The following PALM2AKAP2 variants were observed in gnomAD, a reference collection of about 807,000 sequenced individuals.
PALM2AKAP2 encodes the protein PALM2 and AKAP2 fusion, also known as PALM2-AKAP2 fusion protein.
Under a neutral mutation model 71.5 loss-of-function variants are expected in PALM2AKAP2, and 37 were observed. The ratio of observed to expected loss-of-function variants is 0.52; its 90% CI spans 0.40 to 0.68. The LOEUF is 0.68. PALM2AKAP2 is among the 30% of genes least tolerant of loss of function. The pLI is 0.00. For missense variants in PALM2AKAP2, 1,224 were observed against 1,191.8 expected, an observed-to-expected ratio of 1.03 and a Z score of -0.40; for synonymous variants, 468 against 478.8, an observed-to-expected ratio of 0.98 and a Z score of 0.29.
At chr9:110,081,372 T>C (rs1834445145) in intron 1 of PALM2AKAP2, among the ~76,000 whole-genome samples, 1 of 152,246 alleles carries the variant, frequency 6.6e-6, no homozygotes, top group Admixed American at 6.5e-5. Flanking sequence ...ATTTACATTG[T>C]TAAAAAGAGA....
At chr9:110,004,342 A>G (rs1445565683) in intron 6 of PALM2AKAP2, among the ~76,000 whole-genome samples, 1 of 152,200 alleles carries the variant, frequency 6.6e-6, no homozygotes, top group Non-Finnish European at 1.5e-5. Context: ...TCCTTTAAGA[A>G]TGTTGAATAT....
chr9:110,082,563 G>A (rs1834473936), intron 1 of PALM2AKAP2, among the ~76,000 whole-genome samples: 1 of 152,070 alleles, frequency 6.6e-6, no homozygotes, highest in Non-Finnish European at 1.5e-5. Flanking sequence ...TAGAAATAAG[G>A]GGAAAAATCT....
At chr9:109,702,605 AG>A (rs1302877244) in intron 1 of PALM2AKAP2, among the ~76,000 whole-genome samples, 2 of 116,636 alleles carry the variant, frequency 1.7e-5, no homozygotes, top group African/African-American at 3.2e-5. Context: ...GGGTGGGGGT[AG>A]GGGGGAGGGA....
At chr9:109,969,181 C>T (rs1369371433) in intron 6 of PALM2AKAP2, among the ~76,000 whole-genome samples, 1 of 152,076 alleles carries the variant, frequency 6.6e-6, no homozygotes, top group Non-Finnish European at 1.5e-5. Flanking sequence ...GGAAGGCAGC[C>T]ATGCCAAGAG....
At chr9:109,832,988 C>T (rs952470556) in intron 1 of PALM2AKAP2, among the ~76,000 whole-genome samples, 1 of 152,192 alleles carries the variant, frequency 6.6e-6, no homozygotes, top group Non-Finnish European at 1.5e-5. Flanking sequence ...CAGGGGCTCT[C>T]TTGTTTTCCT....
chr9:110,078,782 C>A lies in PALM2AKAP2; in HGVS notation c.156+29927C>A, dbSNP rs114039748. Reference sequence around the variant, plus strand: ...TTTGTTCTTTAAAAGTAAACAACCTCCCTTTGTAATCTAGAAAAGAATCAG... The same window carrying A: ...TTTGTTCTTTAAAAGTAAACAACCTACCTTTGTAATCTAGAAAAGAATCAG... On this transcript the variant is annotated intron_variant, in intron 1 of 3. Transcript: ENST00000374525. 3.3e-3 allele frequency among the ~76,000 whole-genome samples: 499 copies of A among 152,348 alleles called. 3 individuals are homozygous for A. Among genetic ancestry groups the A allele is most frequent in the African/African-American group, 0.012 (481 of 41,582 alleles).
At chr9:110,004,318 G>C (rs975463763) in intron 6 of PALM2AKAP2, among the ~76,000 whole-genome samples, 11 of 152,068 alleles carry the variant, frequency 7.2e-5, no homozygotes. Flanking sequence ...TGAAATTCTG[G>C]GTTGAAAATT....
At chr9:109,755,464 C>T (rs745611222) in intron 1 of PALM2AKAP2, among the ~76,000 whole-genome samples, 8 of 152,074 alleles carry the variant, frequency 5.3e-5, no homozygotes, top group Non-Finnish European at 8.8e-5. Flanking sequence ...TTGCATGGCG[C>T]ACACCTTGTC....
chr9:110,135,162 A>ATATATATATATATATATATATATATAT (rs1374083351), intron 1 of PALM2AKAP2, among the ~76,000 whole-genome samples: 1 of 48,488 alleles, frequency 2.1e-5, no homozygotes, highest in Admixed American at 2.1e-4. Flanking sequence ...CAAAAAAAAA[A>ATATATATATATATATATATATATATAT]AAATATATAA....
chr9:110,077,975 C>G lies in PALM2AKAP2; in HGVS notation c.156+29120C>G, dbSNP rs1383544501. ...GTTTCAGTGAGCCGAGATCGCGCTA[C>G]TGCACTCCAGCCTGGGTGACAGAGT... On this transcript the variant is annotated intron_variant, in intron 1 of 3. Transcript: ENST00000374525. Among the ~76,000 whole-genome samples the G allele has an allele frequency of 9.6e-4, 144 of 150,586 alleles. 1 individual carries two copies. The South Asian group carries it at 0.013, about 13-fold the overall frequency.
Position 110,172,210 on chromosome 9 carries a change from T to C in PALM2AKAP2, c.*3713T>C, listed in dbSNP as rs41278417. 4.9e-3 allele frequency: 751 copies of C among 152,778 alleles called. 3 individuals are homozygous for C. The highest frequency in any genetic ancestry group is 8.0e-3 in the Non-Finnish European group (541 of 68,038). The allele number at this position is 152,778 out of a possible 1,614,324, so 9.5% of individuals were successfully genotyped here. ...TAGCCTAAGTGTTAGAGATGGTGAATATATTCCATTTTAGTTAAAGAACAA... is the reference window on the plus strand; with the variant it reads ...TAGCCTAAGTGTTAGAGATGGTGAACATATTCCATTTTAGTTAAAGAACAA... On this transcript the variant is annotated 3_prime_UTR_variant, in exon 4 of 4. Transcript: ENST00000374525.
At chr9:109,972,459 A>G (rs1026825078) in intron 6 of PALM2AKAP2, among the ~76,000 whole-genome samples, 2 of 152,212 alleles carry the variant, frequency 1.3e-5, no homozygotes, top group African/African-American at 4.8e-5. Context: ...GGTTTTGTGG[A>G]TGAACGTGGG....
At chr9:110,041,309 T>A (rs879297589) in intron 7 of PALM2AKAP2, among the ~76,000 whole-genome samples, 1 of 146,880 alleles carries the variant, frequency 6.8e-6, no homozygotes, top group African/African-American at 2.5e-5. Context: ...TTTTTTTTTT[T>A]ATTAGTATAC....
At chr9:109,825,771 G>A (rs1828132901) in intron 1 of PALM2AKAP2, among the ~76,000 whole-genome samples, 1 of 152,198 alleles carries the variant, frequency 6.6e-6, no homozygotes, top group African/African-American at 2.4e-5. Flanking sequence ...TGGTGGGACT[G>A]TAAATTAGTT....
At chr9:109,985,644 TTTTC>T (rs1230983272) in intron 6 of PALM2AKAP2, among the ~76,000 whole-genome samples, 18 of 145,528 alleles carry the variant, frequency 1.2e-4, no homozygotes, top group African/African-American at 3.3e-4. Context: ...CTGTCTTGAG[TTTTC>T]TTTCTTTCTT....
chr9:109,752,288 C>T (rs920944523), intron 1 of PALM2AKAP2, among the ~76,000 whole-genome samples: 8 of 152,070 alleles, frequency 5.3e-5, no homozygotes, highest in Non-Finnish European at 8.8e-5. Flanking sequence ...CTGAAGTGAC[C>T]ATGAGTAGGA....
chr9:109,731,605 G>C (rs774367695), intron 1 of PALM2AKAP2, among the ~76,000 whole-genome samples: 10 of 152,044 alleles, frequency 6.6e-5, no homozygotes, highest in Non-Finnish European at 1.3e-4. Context: ...GGTGAGTTAT[G>C]TTACATCTAA....
intron 6 of PALM2AKAP2, among the ~76,000 whole-genome samples, chr9:110,006,681 C>T (rs976035780): frequency 6.6e-6 from 1 of 151,920 alleles, no homozygotes; most frequent in African/African-American, 2.4e-5. Flanking sequence ...GTATTTCTAA[C>T]TAAATTAATG....
intron 1 of PALM2AKAP2, among the ~76,000 whole-genome samples, chr9:109,663,024 CA>C (rs1827423281): frequency 1.3e-5 from 2 of 152,114 alleles, no homozygotes; most frequent in Non-Finnish European, 2.9e-5. Context: ...TCCCCTTTAT[CA>C]TTTTTTTATT....
Sources: gnomAD v4.1 joint callset for allele counts (sites outside exome capture counted in the v4.1 genomes callset) on GRCh38, gnomAD v4.1.1 for gene constraint, MANE v1.5 for transcripts, NCBI Gene and HGNC (gene_info 2026-07-23, HGNC 2026-07-21) for gene names.